Variants in B3GLCT observed in about 807,000 individuals in gnomAD.
B3GLCT encodes the protein beta 3-glucosyltransferase.
B3GLCT carries 65 observed loss-of-function variants against 63.4 expected under a neutral mutation model. That is an observed-to-expected ratio of 1.03 (90% CI 0.84 to 1.26). B3GLCT has a LOEUF of 1.26. Among genes scored for constraint, B3GLCT ranks in the 50% most tolerant of loss-of-function variants. B3GLCT has a pLI of 0.00. For missense variants in B3GLCT, 577 were observed against 604.8 expected (o/e 0.95, Z 0.48); for synonymous variants, 233 against 219.2 (o/e 1.06, Z -0.55).
At chr13:31,246,431 C>T (rs938812738) in intron 4 of B3GLCT, among the ~76,000 whole-genome samples, 1 of 152,046 alleles carries the variant, frequency 6.6e-6, no homozygotes, top group Non-Finnish European at 1.5e-5. Flanking sequence ...TTGTCAATTC[C>T]ATTATTATGC....
chr13:31,323,616 G>A, intron 13 of B3GLCT, 135 bp from the exon 14 acceptor site: 1 of 985,792 alleles, frequency 1.0e-6, no homozygotes, highest in African/African-American at 1.6e-5. Flanking sequence ...GTTTTACCTA[G>A]AGCTCAGTAA....
intron 7 of B3GLCT, among the ~76,000 whole-genome samples, chr13:31,267,526 G>T (rs1321275209): frequency 6.6e-6 from 1 of 152,114 alleles, no homozygotes; most frequent in Non-Finnish European, 1.5e-5. Flanking sequence ...TATATATTTG[G>T]AGTGTATCTG....
chr13:31,317,780 G>T (rs992040730), intron 13 of B3GLCT, 95 bp downstream of exon 13: 1 of 1,459,864 alleles, frequency 6.8e-7, no homozygotes, highest in African/African-American at 1.4e-5. Context: ...TATACTGTAC[G>T]TGAGTACTCT....
At chr13:31,258,542 A>G (rs1424050216) in intron 6 of B3GLCT, among the ~76,000 whole-genome samples, 1 of 152,168 alleles carries the variant, frequency 6.6e-6, no homozygotes, top group African/African-American at 2.4e-5. Flanking sequence ...TGCTGGGTAT[A>G]GCATTCTGAG....
chr13:31,272,046 T>G (rs1872592643), intron 8 of B3GLCT, among the ~76,000 whole-genome samples: 1 of 152,136 alleles, frequency 6.6e-6, no homozygotes, highest in Admixed American at 6.5e-5. Flanking sequence ...TGTCCTTATC[T>G]TTTTTAGATG....
intron 14 of B3GLCT, among the ~76,000 whole-genome samples, chr13:31,324,344 C>T (rs184902306): frequency 6.6e-6 from 1 of 152,260 alleles, no homozygotes; most frequent in East Asian, 1.9e-4. Context: ...CCTTCACTTG[C>T]CATTAAAATG....
At chr13:31,248,246 A>G (rs1297976154) in intron 6 of B3GLCT, among the ~76,000 whole-genome samples, 1 of 152,238 alleles carries the variant, frequency 6.6e-6, no homozygotes, top group Non-Finnish European at 1.5e-5. Flanking sequence ...TGAAGTTCAT[A>G]AACTGCTTTT....
intron 12 of B3GLCT, among the ~76,000 whole-genome samples, chr13:31,296,404 T>C (rs896793860): frequency 1.3e-5 from 2 of 152,194 alleles, no homozygotes; most frequent in African/African-American, 4.8e-5. Context: ...GCTGACTTCT[T>C]GTATCTTCAA....
In B3GLCT at chr13:31,286,740, G is replaced by A; in HGVS notation, c.985G>A (p.Ala329Thr). The change falls in exon 12 of 15, where the codon GCC becomes ACC. Residue 329 changes from alanine (A) to threonine (T), a missense_variant. Coordinates refer to ENST00000343307, the MANE Select transcript of B3GLCT (RefSeq NM_194318.4). ...TDRGHCGKTF[A>T]ILERFLNRSQ... is the part of the protein sequence containing the mutation. Reference sequence around the variant, plus strand: ...TCTAGGTCATTGTGGAAAGACATTTGCCATTTTGGAAAGATTTCTGAATCG... The same window carrying A: ...TCTAGGTCATTGTGGAAAGACATTTACCATTTTGGAAAGATTTCTGAATCG... 4 of 1,612,664 alleles carry A rather than the reference G, an allele frequency of 2.5e-6. No homozygotes were observed. Among genetic ancestry groups the A allele is most frequent in the Non-Finnish European group, 1.7e-6 (2 of 1,178,890 alleles).
intron 4 of B3GLCT, among the ~76,000 whole-genome samples, chr13:31,232,240 A>G (rs141832477): frequency 2.6e-5 from 4 of 152,374 alleles, no homozygotes; most frequent in East Asian, 1.9e-4. Context: ...CCATCTTTGC[A>G]TCGCTATAAA....
intron 5 of B3GLCT, 150 bp downstream of exon 5, chr13:31,247,249 A>C (rs190780284): frequency 7.0e-4 from 472 of 670,420 alleles, no homozygotes; most frequent in Non-Finnish European, 8.4e-4. Flanking sequence ...ACCTTAACCA[A>C]ATTTCTTGAT....
intron 10 of B3GLCT, chr13:31,282,923 G>C (rs3914178): frequency 1.3e-5 from 2 of 152,122 alleles, no homozygotes; most frequent in Non-Finnish European, 2.9e-5. Flanking sequence ...CTATGTCCTA[G>C]GCACTGTGCC....
intron 6 of B3GLCT, among the ~76,000 whole-genome samples, chr13:31,258,557 G>A (rs561337944): frequency 6.6e-6 from 1 of 151,916 alleles, no homozygotes; most frequent in Non-Finnish European, 1.5e-5. Context: ...TCTGAGTTGG[G>A]AGCAATTTTC....
At position 31,286,760 on chromosome 13, in the gene B3GLCT, G is replaced by T; in HGVS notation, c.1005G>T (p.Leu335=). ...GKTFAILERF[L]NRSQDKTAWL... is the part of the protein sequence containing the mutation. ...CATTTGCCATTTTGGAAAGATTTCT[G>T]AATCGTAGCCAGGACAAAACAGCAT... Residue 335 remains leucine (L), a synonymous_variant, in exon 12 of 15, where the codon CTG becomes CTT. Transcript: ENST00000343307. 6.2e-7 allele frequency: 1 copy of T among 1,613,588 alleles called. No homozygotes were observed. Among genetic ancestry groups the T allele is most frequent in the Non-Finnish European group, 8.5e-7 (1 of 1,179,682 alleles).
intron 4 of B3GLCT, among the ~76,000 whole-genome samples, chr13:31,230,729 G>T (rs1870334280): frequency 2.0e-5 from 3 of 152,080 alleles, no homozygotes. Flanking sequence ...TTCTTTTTTG[G>T]CTGGGTGCAG....
rs1237364278 is a variant in B3GLCT, at chr13:31,228,181, T to A, written c.161-1004T>A. ...GTTATAGATGGGCTTTATGCAGGAC[T>A]TCACGCTAAAGCCCTGTTGCTGAGG... On this transcript the variant is annotated intron_variant, in intron 3 of 14. Transcript: ENST00000343307. Among the ~76,000 whole-genome samples the A allele has an allele frequency of 1.3e-5, 2 of 149,896 alleles. 1 individual carries two copies. The highest frequency in any genetic ancestry group is 6.3e-3 in the Middle Eastern group (2 of 316).
chr13:31,284,383 A>G (rs950630218), intron 10 of B3GLCT, among the ~76,000 whole-genome samples: 2 of 152,208 alleles, frequency 1.3e-5, no homozygotes, highest in Admixed American at 1.3e-4. Flanking sequence ...TCAAACCAGA[A>G]AATTTATCAT....
At position 31,276,812 on chromosome 13, in the gene B3GLCT, A is replaced by G. The variant is rs1486105595; in HGVS notation, c.850+41A>G. 4.3e-6 allele frequency: 6 copies of G among 1,385,370 alleles called. No homozygotes were observed. The East Asian group carries it at 1.4e-4, about 32-fold the overall frequency. The allele number at this position is 1,385,370 out of a possible 1,614,324, so 85.8% of individuals were successfully genotyped here. On this transcript the variant is annotated intron_variant, in intron 10 of 14. Coordinates refer to ENST00000343307, the MANE Select transcript of B3GLCT (RefSeq NM_194318.4). The stretch of plus-strand genomic sequence containing the variant: ...TTCATTTTATTGAACGCTAAAATCC[A>G]GACTACCTTCTAAAGAAAAGTACCA...
chr13:31,283,247 A>G (rs1396419729), intron 10 of B3GLCT: 1 of 152,188 alleles, frequency 6.6e-6, no homozygotes, highest in African/African-American at 2.4e-5. Flanking sequence ...GCAATGGAGG[A>G]TATTTTACCC....
Sources: allele counts gnomAD v4.1 joint callset (sites outside exome capture counted in the v4.1 genomes callset), GRCh38; gene constraint gnomAD v4.1.1; transcripts MANE v1.5; gene names NCBI Gene and HGNC (gene_info 2026-07-23, HGNC 2026-07-21).